Variants in AUTS2 observed in about 807,000 individuals in gnomAD.
AUTS2 encodes autism susceptibility gene 2 protein.
A neutral mutation model predicts 112.4 loss-of-function variants in AUTS2; 17 were observed. That is an observed-to-expected ratio of 0.15 (90% CI 0.10 to 0.23). The LOEUF (loss-of-function observed/expected upper bound fraction) is 0.23, where lower values mean the gene tolerates loss of function less well. AUTS2 is among the 10% of genes least tolerant of loss of function. The pLI is 1.00. For missense variants in AUTS2, 1,510 were observed against 1,701.6 expected (o/e 0.89, Z 1.98); for synonymous variants, 751 against 702.7 (o/e 1.07, Z -1.09).
intron 4 of AUTS2, among the ~76,000 whole-genome samples, chr7:70,180,137 A>G (rs890991358): frequency 6.6e-6 from 1 of 152,226 alleles, no homozygotes; most frequent in African/African-American, 2.4e-5. Flanking sequence ...CCTCCAGGGA[A>G]ACTAAAATAA....
intron 1 of AUTS2, among the ~76,000 whole-genome samples, chr7:69,734,257 G>A (rs974506402): frequency 1.3e-5 from 2 of 151,784 alleles, no homozygotes; most frequent in African/African-American, 4.8e-5. Context: ...AGCTTAAAAC[G>A]AAGAGCTCTT....
chr7:69,622,012 C>A (rs753692680), intron 1 of AUTS2, among the ~76,000 whole-genome samples: 1 of 151,912 alleles, frequency 6.6e-6, no homozygotes, highest in Non-Finnish European at 1.5e-5. Context: ...AGCCTTCTTT[C>A]GCTATTGTTT....
chr7:69,945,831 T>G (rs1357075624), intron 2 of AUTS2, among the ~76,000 whole-genome samples: 1 of 152,108 alleles, frequency 6.6e-6, no homozygotes, highest in African/African-American at 2.4e-5. Flanking sequence ...CTCTCTGTTT[T>G]TATGAGTTGG....
At chr7:70,448,835 T>C (rs1796420066) in intron 5 of AUTS2, among the ~76,000 whole-genome samples, 1 of 152,108 alleles carries the variant, frequency 6.6e-6, no homozygotes, top group African/African-American at 2.4e-5. Context: ...TACCAAGCAA[T>C]TGTTCATTAT....
At chr7:69,697,207 G>A (rs565818806) in intron 1 of AUTS2, among the ~76,000 whole-genome samples, 2 of 152,184 alleles carry the variant, frequency 1.3e-5, no homozygotes, top group African/African-American at 4.8e-5. Context: ...ACTAGTCCAA[G>A]GACCTTACTC....
intron 6 of AUTS2, among the ~76,000 whole-genome samples, chr7:70,710,524 T>C (rs1809994237): frequency 6.6e-6 from 1 of 152,274 alleles, no homozygotes; most frequent in Non-Finnish European, 1.5e-5. Context: ...TAGAAGGTGA[T>C]AATAATTGCA....
At chr7:69,821,820 G>A (rs1791008751) in intron 1 of AUTS2, among the ~76,000 whole-genome samples, 1 of 151,730 alleles carries the variant, frequency 6.6e-6, no homozygotes, top group South Asian at 2.1e-4. Context: ...AGAGGCTGAG[G>A]TGAGAGGATC....
chr7:69,785,187 T>C (rs1789313728), intron 1 of AUTS2, among the ~76,000 whole-genome samples: 1 of 152,240 alleles, frequency 6.6e-6, no homozygotes, highest in African/African-American at 2.4e-5. Flanking sequence ...TTCAAATTAT[T>C]ATGGAATGCT....
chr7:70,672,484 C>G (rs1338053692), intron 5 of AUTS2, among the ~76,000 whole-genome samples: 3 of 152,190 alleles, frequency 2.0e-5, no homozygotes, highest in East Asian at 3.9e-4. Flanking sequence ...GGCCAGAGAC[C>G]TGCTAAGCTC....
chr7:69,855,375 T>C (rs1792674627), intron 1 of AUTS2, among the ~76,000 whole-genome samples: 1 of 152,218 alleles, frequency 6.6e-6, no homozygotes, highest in Non-Finnish European at 1.5e-5. Flanking sequence ...GAGCAGCCTA[T>C]TCATTTTATA....
At chr7:70,731,420 CTTTTTTTTTTT>C (rs56244002) in intron 6 of AUTS2, among the ~76,000 whole-genome samples, 7 of 69,480 alleles carry the variant, frequency 1.0e-4, no homozygotes, top group Admixed American at 6.1e-4. Context: ...TTACCCAGAT[CTTTTTTTTTTT>C]TTTTTTTTTT....
At chr7:69,664,206 A>G (rs1260697129) in intron 1 of AUTS2, among the ~76,000 whole-genome samples, 1 of 152,230 alleles carries the variant, frequency 6.6e-6, no homozygotes, top group African/African-American at 2.4e-5. Flanking sequence ...AGCACAGCAC[A>G]TGGCATCATT....
chr7:70,155,570 T>C (rs560566657), intron 4 of AUTS2, among the ~76,000 whole-genome samples: 167 of 152,166 alleles, frequency 1.1e-3, no homozygotes, highest in Middle Eastern at 3.4e-3. Flanking sequence ...TTGTTTTTAA[T>C]CCTTTCTCGG....
chr7:70,615,050 A>G (rs1285942746), intron 5 of AUTS2, among the ~76,000 whole-genome samples: 1 of 152,212 alleles, frequency 6.6e-6, no homozygotes. Flanking sequence ...AAAAATTACG[A>G]ACGCTGGATG....
chr7:70,542,465 C>T (rs569690513), intron 5 of AUTS2, among the ~76,000 whole-genome samples: 1 of 152,302 alleles, frequency 6.6e-6, no homozygotes, highest in South Asian at 2.1e-4. Context: ...GCTGGTCAGT[C>T]CCTGCATCCA....
chr7:70,730,902 T>C (rs1234212221), intron 6 of AUTS2, among the ~76,000 whole-genome samples: 1 of 152,240 alleles, frequency 6.6e-6, no homozygotes, highest in African/African-American at 2.4e-5. Flanking sequence ...CTCCATATAC[T>C]TGTCAGCACT....
At chr7:70,502,868 T>A (rs1308319929) in intron 5 of AUTS2, among the ~76,000 whole-genome samples, 2 of 150,992 alleles carry the variant, frequency 1.3e-5, no homozygotes, top group East Asian at 3.8e-4. Context: ...GAAGATGTGA[T>A]CTTCCAAGAT....
At chr7:69,997,119 A>G (rs765245796) in intron 2 of AUTS2, among the ~76,000 whole-genome samples, 189 of 152,282 alleles carry the variant, frequency 1.2e-3, no homozygotes, top group African/African-American at 2.8e-3. Flanking sequence ...GTCTGAAACT[A>G]TAACTATTAA....
intron 10 of AUTS2, among the ~76,000 whole-genome samples, chr7:70,768,609 A>T (rs1010811271): frequency 2.0e-5 from 3 of 152,182 alleles, no homozygotes; most frequent in Non-Finnish European, 4.4e-5. Flanking sequence ...TAATTAAAAG[A>T]AACTCCCAAA....
Sources: gnomAD v4.1 joint callset for allele counts (sites outside exome capture counted in the v4.1 genomes callset) on GRCh38, gnomAD v4.1.1 for gene constraint, MANE v1.5 for transcripts, NCBI Gene and HGNC (gene_info 2026-07-23, HGNC 2026-07-21) for gene names.